NRG1: variants seen among roughly 807,000 people sequenced by gnomAD.
The protein encoded by NRG1 is neuregulin 1.
A neutral mutation model predicts 63.8 loss-of-function variants in NRG1; 18 were observed. The ratio of observed to expected loss-of-function variants is 0.28; its 90% CI spans 0.19 to 0.42. NRG1 has a LOEUF of 0.42. NRG1 is among the 10% of genes least tolerant of loss of function. NRG1 has a pLI of 1.00. For missense variants in NRG1, 762 were observed against 814.7 expected (o/e 0.94, Z 0.79); for synonymous variants, 302 against 301.3 (o/e 1.00, Z -0.02).
chr8:32,102,372 A>G (rs1169921491), intron 1 of NRG1, among the ~76,000 whole-genome samples: 4 of 152,090 alleles, frequency 2.6e-5, no homozygotes, highest in Admixed American at 2.6e-4. Context: ...TCCTGGGCTC[A>G]AGCTTTCCTC....
At chr8:32,586,034 C>A (rs1392627765) in intron 1 of NRG1, among the ~76,000 whole-genome samples, 1 of 152,008 alleles carries the variant, frequency 6.6e-6, no homozygotes, top group Non-Finnish European at 1.5e-5. Context: ...TAATACATAT[C>A]TCCTGGAGTT....
At chr8:31,822,698 T>G (rs1451684343) in intron 1 of NRG1, among the ~76,000 whole-genome samples, 1 of 152,160 alleles carries the variant, frequency 6.6e-6, no homozygotes, top group Non-Finnish European at 1.5e-5. Context: ...CAGACTTAGG[T>G]TTTTTGAATT....
In NRG1 at chr8:32,204,466, C is replaced by T. The variant is rs561813556; in HGVS notation, c.38-391362C>T. Among the ~76,000 whole-genome samples, 3 of 152,260 alleles carry T rather than the reference C, an allele frequency of 2.0e-5. No homozygotes were observed. In the South Asian group the frequency reaches 6.2e-4, roughly 32 times the overall value. On this transcript the variant is annotated intron_variant, in intron 1 of 10. Transcript: ENST00000519301. ...TTTATTGTCATAGAGAAAGCTCATGCCAGTCACATACTAGTCAGAGGAGTT... is the reference window on the plus strand; with the variant it reads ...TTTATTGTCATAGAGAAAGCTCATGTCAGTCACATACTAGTCAGAGGAGTT...
downstream of NRG1, among the ~76,000 whole-genome samples, chr8:32,769,502 G>A (rs1831647865): frequency 2.0e-5 from 3 of 152,112 alleles, no homozygotes; most frequent in Admixed American, 2.0e-4. Flanking sequence ...ATGATAAAAG[G>A]ACTTGATGTT....
intron 1 of NRG1, among the ~76,000 whole-genome samples, chr8:31,852,228 G>A (rs1281484445): frequency 3.0e-4 from 46 of 152,228 alleles, no homozygotes; most frequent in African/African-American, 9.6e-4. Flanking sequence ...CCCACCAACA[G>A]TGTAAAATTG....
chr8:32,703,289 C>G (rs1815433707), intron 5 of NRG1, among the ~76,000 whole-genome samples: 2 of 152,052 alleles, frequency 1.3e-5, no homozygotes, highest in Admixed American at 1.3e-4. Flanking sequence ...ACATTGACCC[C>G]TTTGGATTCT....
At chr8:32,012,616 T>G (rs928761676) in intron 1 of NRG1, among the ~76,000 whole-genome samples, 1 of 152,144 alleles carries the variant, frequency 6.6e-6, no homozygotes, top group Non-Finnish European at 1.5e-5. Context: ...ACATTTTGTC[T>G]CCATCATTTA....
chr8:31,801,672 C>T lies in NRG1; in HGVS notation c.37+162241C>T, dbSNP rs561894723. 2.0e-4 allele frequency among the ~76,000 whole-genome samples: 31 copies of T among 152,252 alleles called. No homozygotes were observed. In the South Asian group the frequency reaches 3.5e-3, roughly 17 times the overall value. On this transcript the variant is annotated intron_variant, in intron 1 of 10. Transcript: ENST00000519301. ...TCTGTAGAGATGTAAGTTGTTATCA[C>T]CAACTCAACATGAAATTGTAAGAAT...
chr8:32,413,862 C>T (rs1815463452), intron 1 of NRG1, among the ~76,000 whole-genome samples: 1 of 151,812 alleles, frequency 6.6e-6, no homozygotes. Context: ...TTCTCTGCCC[C>T]AGGGTGAACT....
chr8:31,880,978 G>A (rs1585468357), intron 1 of NRG1, among the ~76,000 whole-genome samples: 1 of 152,088 alleles, frequency 6.6e-6, no homozygotes, highest in Non-Finnish European at 1.5e-5. Context: ...TTGATAGAAG[G>A]GATAGAGTAT....
rs1232490673 is a variant in NRG1, at chr8:31,677,529, CTGG to C, written c.37+38099_37+38101del. On this transcript the variant is annotated intron_variant, in intron 1 of 10. Transcript: ENST00000519301. ...ACCGATGTCAGAGGATCACTTGAGT[CTGG>C]GAATTTGAGGCTGCAGTGAGCTGAG... 2.3e-4 allele frequency among the ~76,000 whole-genome samples: 35 copies of C among 152,226 alleles called. 1 individual carries two copies. Among genetic ancestry groups the C allele is most frequent in the African/African-American group, 8.4e-4 (35 of 41,540 alleles).
intron 1 of NRG1, among the ~76,000 whole-genome samples, chr8:31,691,203 A>C (rs1350732129): frequency 2.0e-5 from 3 of 152,304 alleles, no homozygotes; most frequent in Non-Finnish European, 4.4e-5. Flanking sequence ...GCAAATGACA[A>C]AGGGGAATTT....
chr8:32,764,282 AACACCT>A, exon 12 of NRG1: 2 of 1,614,116 alleles, frequency 1.2e-6, no homozygotes, highest in Non-Finnish European at 1.7e-6. Context: ...GTCTTGAGGC[AACACCT>A]GCCTTCCGCC....
intron 1 of NRG1, among the ~76,000 whole-genome samples, chr8:32,090,328 T>A (rs1202869275): frequency 6.6e-6 from 1 of 152,212 alleles, no homozygotes; most frequent in Non-Finnish European, 1.5e-5. Flanking sequence ...ATCATTGTCA[T>A]GGACTAAATT....
At chr8:31,651,040 C>A (rs10099158) in intron 1 of NRG1, among the ~76,000 whole-genome samples, 35,530 of 152,070 alleles carry the variant, frequency 0.23, 4,531 homozygotes, top group Middle Eastern at 0.26. Flanking sequence ...TTTTCTGGAG[C>A]TTATTTTCTC....
In NRG1 at chr8:31,815,599, G is replaced by A. The variant is rs142139231; in HGVS notation, c.37+176168G>A. Among the ~76,000 whole-genome samples the A allele has an allele frequency of 3.4e-3, 513 of 152,218 alleles. 2 individuals are homozygous for A. The highest frequency in any genetic ancestry group is 0.012 in the African/African-American group (482 of 41,534). On this transcript the variant is annotated intron_variant, in intron 1 of 10. Coordinates refer to the NRG1 transcript ENST00000519301. ...GAGTCCCTGCTTTCGGTTCTTATGGGTATATACCCCGAAGTAGATTGCTGC... is the reference window on the plus strand; with the variant it reads ...GAGTCCCTGCTTTCGGTTCTTATGGATATATACCCCGAAGTAGATTGCTGC...
rs114103122 is a variant in NRG1 at position 32,419,982 on chromosome 8, G to A, written c.38-175846G>A. Among the ~76,000 whole-genome samples the A allele has an allele frequency of 6.1e-3, 936 of 152,236 alleles. 10 individuals are homozygous for A. The highest frequency in any genetic ancestry group is 0.02 in the African/African-American group (850 of 41,540). On this transcript the variant is annotated intron_variant, in intron 1 of 10. Coordinates refer to the NRG1 transcript ENST00000519301. The stretch of plus-strand genomic sequence containing the variant: ...CAGATGGAACCACAAAAACACAGCC[G>A]GGATGGCTCAGTTGGTCAATGGCAT...
chr8:32,344,871 T>C (rs1250351998), intron 1 of NRG1, among the ~76,000 whole-genome samples: 1 of 152,206 alleles, frequency 6.6e-6, no homozygotes, highest in Non-Finnish European at 1.5e-5. Context: ...CTATTATGTA[T>C]TCTGCTCAGA....
chr8:32,522,990 T>C (rs888572817), intron 1 of NRG1, among the ~76,000 whole-genome samples: 3 of 152,086 alleles, frequency 2.0e-5, no homozygotes, highest in Non-Finnish European at 2.9e-5. Flanking sequence ...TTCATAGATA[T>C]GGAGTTTCAA....
Sources: allele counts gnomAD v4.1 joint callset (sites outside exome capture counted in the v4.1 genomes callset), GRCh38; gene constraint gnomAD v4.1.1; transcripts MANE v1.5; gene names NCBI Gene and HGNC (gene_info 2026-07-23, HGNC 2026-07-21).